The following HTR2C variants were observed in gnomAD, a reference collection of about 807,000 sequenced individuals.
HTR2C encodes 5-hydroxytryptamine receptor 2C.
In HTR2C, 5 loss-of-function variants were observed where a neutral mutation model predicts 21.0. The observed-to-expected ratio is 0.24, with a 90% confidence interval of 0.12 to 0.50. The LOEUF (loss-of-function observed/expected upper bound fraction) is 0.50, where lower values mean the gene tolerates loss of function less well. HTR2C is among the 20% of genes least tolerant of loss of function. The pLI is 0.98. For synonymous variants in HTR2C, 150 were observed against 145.3 expected, an observed-to-expected ratio of 1.03 and a Z score of -0.23; for missense variants, 271 against 371.2, an observed-to-expected ratio of 0.73 and a Z score of 2.22.
intron 4 of HTR2C, among the ~76,000 whole-genome samples, chrX:114,752,400 A>C (rs1268223777): frequency 9.0e-6 from 1 of 111,295 alleles, no homozygotes. Flanking sequence ...GAATATCTTC[A>C]GATCCCCTTC....
chrX:114,867,125 G>A (rs147424609), intron 5 of HTR2C, among the ~76,000 whole-genome samples: 83 of 111,831 alleles, frequency 7.4e-4, no homozygotes, highest in African/African-American at 2.5e-3. Context: ...CACCAACAGT[G>A]TTATGAGGGT....
chrX:114,721,560 G>A (rs1200697633), intron 2 of HTR2C, among the ~76,000 whole-genome samples: 2 of 103,615 alleles, frequency 1.9e-5, no homozygotes, highest in African/African-American at 3.5e-5. Context: ...TGTTGCCATT[G>A]CTTTTGGTGT....
At chrX:114,672,141 T>C in intron 2 of HTR2C, among the ~76,000 whole-genome samples, 1 of 112,168 alleles carries the variant, frequency 8.9e-6, no homozygotes, top group Admixed American at 9.5e-5. Context: ...AAGTGCTAAA[T>C]CTGAAAAGTA....
At chrX:114,730,666 T>C (rs897477376) in intron 3 of HTR2C, among the ~76,000 whole-genome samples, 4 of 112,035 alleles carry the variant, frequency 3.6e-5, no homozygotes, top group Non-Finnish European at 5.6e-5. Flanking sequence ...GGCAACTTAA[T>C]TCCTTCTTAG....
chrX:114,723,866 C>G (rs1408232669), intron 2 of HTR2C, among the ~76,000 whole-genome samples: 5 of 101,582 alleles, frequency 4.9e-5, no homozygotes, highest in Admixed American at 1.1e-4. Flanking sequence ...TTTGATTGCA[C>G]TGTGGTCTGA....
chrX:114,768,752 A>G (rs781913121), intron 4 of HTR2C, among the ~76,000 whole-genome samples: 3 of 111,671 alleles, frequency 2.7e-5, no homozygotes, highest in East Asian at 5.6e-4. Flanking sequence ...TATTCAACTA[A>G]AAGTTTCATT....
chrX:114,600,191 A>G (rs1453724719), intron 1 of HTR2C, among the ~76,000 whole-genome samples: 3 of 112,355 alleles, frequency 2.7e-5, no homozygotes, highest in African/African-American at 9.7e-5. Flanking sequence ...GCCCAAACAC[A>G]CAGCTAATAA....
At chrX:114,663,691 T>C (rs141886710) in intron 2 of HTR2C, among the ~76,000 whole-genome samples, 196 of 111,742 alleles carry the variant, frequency 1.8e-3, no homozygotes, top group African/African-American at 6.2e-3. Context: ...TTTCCAACTC[T>C]ATGTTTGCTT....
intron 5 of HTR2C, among the ~76,000 whole-genome samples, chrX:114,886,001 T>C (rs1556481322): frequency 9.0e-6 from 1 of 111,222 alleles, no homozygotes; most frequent in African/African-American, 3.3e-5. Flanking sequence ...ACTTCATTTC[T>C]TTCCATTTTC....
intron 2 of HTR2C, among the ~76,000 whole-genome samples, chrX:114,644,648 C>A (rs1353562851): frequency 9.3e-6 from 1 of 107,340 alleles, no homozygotes; most frequent in Admixed American, 1.0e-4. Flanking sequence ...CTTATGGGAT[C>A]TGAACGTTTT....
intron 4 of HTR2C, among the ~76,000 whole-genome samples, chrX:114,833,848 G>A (rs1382065762): frequency 3.7e-5 from 4 of 109,581 alleles, no homozygotes; most frequent in Admixed American, 2.9e-4. Flanking sequence ...AGTGCTATAA[G>A]TTTCCCTCTA....
At chrX:114,670,568 A>C (rs1441452290) in intron 2 of HTR2C, among the ~76,000 whole-genome samples, 2 of 112,328 alleles carry the variant, frequency 1.8e-5, no homozygotes, top group African/African-American at 6.5e-5. Context: ...ATCCTGAAAT[A>C]AGCAATTAAA....
chrX:114,593,550 T>C (rs1556391704), intron 1 of HTR2C, among the ~76,000 whole-genome samples: 1 of 112,132 alleles, frequency 8.9e-6, no homozygotes, highest in African/African-American at 3.2e-5. Context: ...TTATAATTTA[T>C]TCATGTTTAT....
intron 2 of HTR2C, among the ~76,000 whole-genome samples, chrX:114,678,266 G>A (rs1005151073): frequency 2.9e-5 from 1 of 34,266 alleles, no homozygotes; most frequent in Non-Finnish European, 5.2e-5. Context: ...TTCCCTCTCT[G>A]TCTGACACAC....
At chrX:114,809,486 C>T (rs1289550105) in intron 4 of HTR2C, among the ~76,000 whole-genome samples, 5 of 108,043 alleles carry the variant, frequency 4.6e-5, no homozygotes, top group African/African-American at 1.0e-4. Flanking sequence ...TGGGTTCAAG[C>T]GATTCTCCTG....
chrX:114,813,172 A>T (rs782042165), intron 4 of HTR2C, among the ~76,000 whole-genome samples: 2 of 112,321 alleles, frequency 1.8e-5, no homozygotes, highest in African/African-American at 6.5e-5. Flanking sequence ...CATAACACTT[A>T]AAAGTCTTCC....
chrX:114,600,644 A>G (rs1429924236), intron 1 of HTR2C, among the ~76,000 whole-genome samples: 1 of 111,711 alleles, frequency 9.0e-6, no homozygotes, highest in African/African-American at 3.2e-5. Context: ...TTACTGGGAA[A>G]TAAAAGGCAG....
chrX:114,667,423 A>C (rs1185271175), intron 2 of HTR2C, among the ~76,000 whole-genome samples: 2 of 111,281 alleles, frequency 1.8e-5, no homozygotes, highest in African/African-American at 6.5e-5. Context: ...GTAATCTGAC[A>C]TAAACAATTT....
chrX:114,776,274 T>G (rs2070056089), intron 4 of HTR2C: 3 of 584,559 alleles, frequency 5.1e-6, no homozygotes, highest in Non-Finnish European at 9.1e-6. Flanking sequence ...CTAAGTACAT[T>G]GAGACCAGCA....
Sources: gnomAD v4.1 joint callset for allele counts (sites outside exome capture counted in the v4.1 genomes callset) on GRCh38, gnomAD v4.1.1 for gene constraint, MANE v1.5 for transcripts, NCBI Gene and HGNC (gene_info 2026-07-23, HGNC 2026-07-21) for gene names.